Variants in AP2M1 observed in about 807,000 individuals in gnomAD.
AP2M1 encodes adaptor related protein complex 2 subunit mu 1.
Under a neutral mutation model 54.5 loss-of-function variants are expected in AP2M1, and 5 were observed. The ratio of observed to expected loss-of-function variants is 0.09; its 90% CI spans 0.05 to 0.19. The LOEUF (loss-of-function observed/expected upper bound fraction) is 0.19, where lower values mean the gene tolerates loss of function less well. Among genes scored for constraint, AP2M1 ranks in the 10% least tolerant of loss-of-function variants. The pLI, the probability that AP2M1 is intolerant of heterozygous loss-of-function variation, is 1.00. For synonymous variants in AP2M1, 186 were observed against 208.2 expected, an observed-to-expected ratio of 0.89 and a Z score of 0.92; for missense variants, 178 against 580.2, an observed-to-expected ratio of 0.31 and a Z score of 7.12.
Position 184,176,952 on chromosome 3 carries a change from T to A in AP2M1, c.-42T>A. ...TTACCCTGCCCCCGCCTGTCCTAGG[T>A]CTGTTCTCAGAGCGATGGGCCGCGG... On this transcript the variant is annotated splice_region_variant and 5_prime_UTR_variant, in exon 2 of 12. Transcript: ENST00000292807. 6.2e-7 allele frequency: 1 copy of A among 1,606,822 alleles called. No homozygotes were observed. The highest frequency in any genetic ancestry group is 8.5e-7 in the Non-Finnish European group (1 of 1,175,520).
chr3:184,184,045 C>A lies in AP2M1; in HGVS notation c.*429C>A, dbSNP rs571251193. 2 of 183,104 alleles carry A rather than the reference C, an allele frequency of 1.1e-5. No individual in the cohort carries two copies. The highest frequency in any genetic ancestry group is 2.4e-4 in the South Asian group (2 of 8,508). The allele number at this position is 183,104 out of a possible 1,614,324, so 11.3% of individuals were successfully genotyped here. A position where few individuals can be genotyped will look rare whatever the true frequency, so the allele number is the denominator to read the frequency against. On this transcript the variant is annotated 3_prime_UTR_variant, in exon 12 of 12. Transcript: ENST00000292807. ...GATAGTGTGAGCTTCATTTTGTACA[C>A]GTGTGACTTCGTCCAGTTACAAACC... is the stretch of plus-strand genomic sequence containing the variant.
Position 184,178,237 on chromosome 3 carries a change from C to G in AP2M1, c.75-620C>G. The G allele has an allele frequency of 2.0e-6, 3 of 1,536,054 alleles. No homozygotes were observed. The highest frequency in any genetic ancestry group is 1.7e-4 in the Middle Eastern group (1 of 5,990). On this transcript the variant is annotated intron_variant, in intron 2 of 11. Coordinates refer to ENST00000292807, the MANE Select transcript of AP2M1 (RefSeq NM_004068.4). This position sits in a 1 kb window ranked among gnomAD's most constrained non-coding sequence, Gnocchi z 4.9. ...CCGTAGCAATAGGTAAGCGGCCTCT[C>G]AAGCTGCTGCCCAGGTACAGGTGGG... is the stretch of plus-strand genomic sequence containing the variant.
In AP2M1 at chr3:184,175,007, C is replaced by T. The variant is rs911971382; in HGVS notation, c.-44+48C>T. 3 of 398,178 alleles carry T rather than the reference C, an allele frequency of 7.5e-6. No homozygotes were observed. In the Admixed American group the frequency reaches 1.3e-4, roughly 18 times the overall value. 24.7% of individuals were successfully genotyped at this position (398,178 alleles called of 1,614,324 possible). A position where few individuals can be genotyped will look rare whatever the true frequency, so the allele number is the denominator to read the frequency against. ...TGGCGTGGAGGAGGACGCTGCGGGT[C>T]GTCTGCCTCGCCGCGCAGCTTTGTC... On this transcript the variant is annotated intron_variant, in intron 1 of 11. Coordinates refer to ENST00000292807, the MANE Select transcript of AP2M1 (RefSeq NM_004068.4).
intron 1 of AP2M1, 101 bp from the exon 2 acceptor site, chr3:184,176,850 G>T (rs1471881052): frequency 9.2e-6 from 7 of 761,270 alleles, no homozygotes; most frequent in Non-Finnish European, 1.4e-5. Context: ...ACTTACTAAA[G>T]GGTTGAGTCA....
Position 184,180,200 on chromosome 3 carries a change from C to T in AP2M1, c.372C>T (p.Ser124=), listed in dbSNP as rs1011510763. ...EILDFGYPQN[S]ETGALKTFIT... ...TAGACTTTGGCTACCCACAGAATTC[C>T]GAGACAGGCGCGCTGAAAACCTTCA... Residue 124 remains serine, a synonymous_variant, in exon 4 of 12, where the codon TCC becomes TCT. Coordinates refer to ENST00000292807, the MANE Select transcript of AP2M1 (RefSeq NM_004068.4). This position sits in a 1 kb window ranked among gnomAD's most constrained non-coding sequence, Gnocchi z 4.9. The T allele has an allele frequency of 1.3e-5, 21 of 1,614,040 alleles. No homozygotes were observed. Among genetic ancestry groups the T allele is most frequent in the African/African-American group, 4.0e-5 (3 of 74,900 alleles).
At chr3:184,176,750 C>G (rs1715086273) in intron 1 of AP2M1, 1 of 499,788 alleles carries the variant, frequency 2.0e-6, no homozygotes, top group African/African-American at 2.0e-5. Context: ...GGCCTAATCT[C>G]TCTCTGTTTC....
rs986782047 is a variant in AP2M1 at position 184,178,746 on chromosome 3, G to A, written c.75-111G>A. 3 of 1,346,328 alleles carry A rather than the reference G, an allele frequency of 2.2e-6. No individual in the cohort carries two copies. The highest frequency in any genetic ancestry group is 2.8e-5 in the South Asian group (2 of 71,074). 83.4% of individuals were successfully genotyped at this position (1,346,328 alleles called of 1,614,324 possible). A position where few individuals can be genotyped will look rare whatever the true frequency, so the allele number is the denominator to read the frequency against. ...GGCATTGGCTTTCTTTGGAGTGTGT[G>A]TGTCAGACTTCTGCAGAAAGGAGGG... is the stretch of plus-strand genomic sequence containing the variant. On this transcript the variant is annotated intron_variant, in intron 2 of 11. Coordinates refer to ENST00000292807, the MANE Select transcript of AP2M1 (RefSeq NM_004068.4). The surrounding 1 kb of genome is among the most constrained non-coding windows in gnomAD (Gnocchi z 4.9).
chr3:184,177,697 C>A, intron 2 of AP2M1: 1 of 1,291,028 alleles, frequency 7.7e-7, no homozygotes, highest in Non-Finnish European at 1.1e-6. Context: ...TATCCTGGGC[C>A]TTCACACAGA....
In AP2M1 at chr3:184,181,399, C is replaced by T. The variant is rs192273992; in HGVS notation, c.707+173C>T. The T allele has an allele frequency of 1.7e-5, 18 of 1,039,504 alleles. No individual in the cohort carries two copies. The highest frequency in any genetic ancestry group is 6.4e-5 in the African/African-American group (4 of 62,070). 64.4% of individuals were successfully genotyped at this position (1,039,504 alleles called of 1,614,324 possible). A position where few individuals can be genotyped will look rare whatever the true frequency, so the allele number is the denominator to read the frequency against. On this transcript the variant is annotated intron_variant, in intron 7 of 11. Coordinates refer to ENST00000292807, the MANE Select transcript of AP2M1 (RefSeq NM_004068.4). The surrounding 1 kb of genome is among the most constrained non-coding windows in gnomAD (Gnocchi z 5.7). ...TTAGTGCTACGAGAGATGAGGGGAT[C>T]GTCCTCAGAGAGCAAGCCCCTTTGT... is the stretch of plus-strand genomic sequence containing the variant.
In AP2M1 at chr3:184,178,803, T is replaced by A; in HGVS notation, c.75-54T>A. The A allele has an allele frequency of 6.3e-7, 1 of 1,589,250 alleles. No homozygotes were observed. The highest frequency in any genetic ancestry group is 8.6e-7 in the Non-Finnish European group (1 of 1,164,188). On this transcript the variant is annotated intron_variant, in intron 2 of 11. Transcript: ENST00000292807. This position sits in a 1 kb window ranked among gnomAD's most constrained non-coding sequence, Gnocchi z 4.9. ...TGTTAGCAGCTGTGGTTGATCCTTA[T>A]GGGGTAAGGTTCACCTGGGTGCTGA...
intron 1 of AP2M1, among the ~76,000 whole-genome samples, chr3:184,175,558 G>C (rs138106836): frequency 1.7e-3 from 266 of 152,272 alleles, no homozygotes; most frequent in African/African-American, 6.1e-3. Context: ...ACCACTGTCA[G>C]TTCCCCCGGC....
In AP2M1 at chr3:184,180,390, AG is replaced by A. The variant is rs1248815592; in HGVS notation, c.423+141del. On this transcript the variant is annotated intron_variant, in intron 4 of 11. Coordinates refer to ENST00000292807, the MANE Select transcript of AP2M1 (RefSeq NM_004068.4). This position sits in a 1 kb window ranked among gnomAD's most constrained non-coding sequence, Gnocchi z 4.9. ...GGCCTGAGCCTCCTGCCATGATTGC[AG>A]GCCGATTTTGCTCTGTGTGGTCCTC... 5.9e-6 allele frequency: 7 copies of A among 1,194,176 alleles called. No individual in the cohort carries two copies. In the Admixed American group the frequency reaches 6.8e-5, roughly 12 times the overall value. 74.0% of individuals were successfully genotyped at this position (1,194,176 alleles called of 1,614,324 possible). A position where few individuals can be genotyped will look rare whatever the true frequency, so the allele number is the denominator to read the frequency against.
chr3:184,177,511 G>A, intron 2 of AP2M1: 1 of 1,529,452 alleles, frequency 6.5e-7, no homozygotes, highest in African/African-American at 1.4e-5. Context: ...GCCCCTCCAG[G>A]CTGCCCAATC....
In AP2M1 at chr3:184,178,104, A is replaced by ACGGTGTGTGCCGCCCTCC. The variant is rs1378800965; in HGVS notation, c.75-744_75-727dup. 1.8e-4 allele frequency: 237 copies of ACGGTGTGTGCCGCCCTCC among 1,315,604 alleles called. No individual in the cohort carries two copies. Among genetic ancestry groups the ACGGTGTGTGCCGCCCTCC allele is most frequent in the Non-Finnish European group, 2.5e-4 (232 of 946,550 alleles). 81.5% of individuals were successfully genotyped at this position (1,315,604 alleles called of 1,614,324 possible). ...TGCCTGTCTTGTCTGCTTCTGCCTC[A>ACGGTGTGTGCCGCCCTCC]CGGTGTGTGCCGCCCTCCCGGTGTG... On this transcript the variant is annotated intron_variant, in intron 2 of 11. Transcript: ENST00000292807. This position sits in a 1 kb window ranked among gnomAD's most constrained non-coding sequence, Gnocchi z 4.9.
chr3:184,177,779 A>G, intron 2 of AP2M1: 1 of 653,220 alleles, frequency 1.5e-6, no homozygotes, highest in Non-Finnish European at 2.6e-6. Flanking sequence ...GACCTATCCT[A>G]GCCTCCGAGG....
chr3:184,178,718 T>TTA lies in AP2M1; in HGVS notation c.75-138_75-137dup. 4 of 1,106,004 alleles carry TTA rather than the reference T, an allele frequency of 3.6e-6. No individual in the cohort carries two copies. In the South Asian group the frequency reaches 6.4e-5, roughly 18 times the overall value. The allele number at this position is 1,106,004 out of a possible 1,614,324, so 68.5% of individuals were successfully genotyped here. Reference sequence around the variant, plus strand: ...ATAAGAAGGGAACCACTCCAGTGGTTTAGGCATTGGCTTTCTTTGGAGTGT... The same window carrying TTA: ...ATAAGAAGGGAACCACTCCAGTGGTTTATAGGCATTGGCTTTCTTTGGAGTGT... On this transcript the variant is annotated intron_variant, in intron 2 of 11. Coordinates refer to ENST00000292807, the MANE Select transcript of AP2M1 (RefSeq NM_004068.4). The surrounding 1 kb of genome is among the most constrained non-coding windows in gnomAD (Gnocchi z 4.9).
rs1338693075 is a variant in AP2M1 at position 184,180,550 on chromosome 3, C to T, written c.424-95C>T. ...TTCCTCAGGAGGAGCGAGCTTGGGC[C>T]CTCTCCTCTAGGATCCAAGCCTCAT... On this transcript the variant is annotated intron_variant, in intron 4 of 11. Coordinates refer to ENST00000292807, the MANE Select transcript of AP2M1 (RefSeq NM_004068.4). The surrounding 1 kb of genome is among the most constrained non-coding windows in gnomAD (Gnocchi z 4.9). The T allele has an allele frequency of 6.3e-7, 1 of 1,589,732 alleles. No homozygotes were observed. Among genetic ancestry groups the T allele is most frequent in the East Asian group, 2.2e-5 (1 of 44,740 alleles).
intron 2 of AP2M1, 111 bp downstream of exon 2, chr3:184,177,178 T>G: frequency 4.6e-6 from 5 of 1,075,318 alleles, no homozygotes; most frequent in Non-Finnish European, 6.7e-6. Context: ...CCCTGACCCC[T>G]GGCTGCACCC....
Position 184,183,015 on chromosome 3 carries a change from C to A in AP2M1, c.1173+147C>A. 1 of 734,092 alleles carries A rather than the reference C, an allele frequency of 1.4e-6. No homozygotes were observed. Among genetic ancestry groups the A allele is most frequent in the Non-Finnish European group, 2.4e-6 (1 of 408,442 alleles). The allele number at this position is 734,092 out of a possible 1,614,324, so 45.5% of individuals were successfully genotyped here. On this transcript the variant is annotated intron_variant, in intron 11 of 11. Coordinates refer to ENST00000292807, the MANE Select transcript of AP2M1 (RefSeq NM_004068.4). The surrounding 1 kb of genome is among the most constrained non-coding windows in gnomAD (Gnocchi z 5.7). ...TTTAATTCATAGATCCATTCTTCCCCTTTCAAGCCTCTTAGTAGAAATTAC... is the reference window on the plus strand; with the variant it reads ...TTTAATTCATAGATCCATTCTTCCCATTTCAAGCCTCTTAGTAGAAATTAC...
Sources: allele counts gnomAD v4.1 joint callset (sites outside exome capture counted in the v4.1 genomes callset), GRCh38; gene constraint gnomAD v4.1.1; non-coding constraint Gnocchi (gnomAD v3.1); transcripts MANE v1.5; gene names NCBI Gene and HGNC (gene_info 2026-07-23, HGNC 2026-07-21).